LRBA: variants seen among roughly 807,000 people sequenced by gnomAD.
LRBA encodes the protein LPS responsive beige-like anchor protein.
Under a neutral mutation model 330.0 loss-of-function variants are expected in LRBA, and 176 were observed. That is an observed-to-expected ratio of 0.53 (90% CI 0.47 to 0.60). LRBA has a LOEUF of 0.60. Among genes scored for constraint, LRBA ranks in the 20% least tolerant of loss-of-function variants. The pLI, the probability that LRBA is intolerant of heterozygous loss-of-function variation, is 0.00. For missense variants in LRBA, 3,259 were observed against 3,444.8 expected, an observed-to-expected ratio of 0.95 and a Z score of 1.35; for synonymous variants, 1,230 against 1,193.0, an observed-to-expected ratio of 1.03 and a Z score of -0.64.
chr4:150,620,711 A>C (rs1254523080), intron 37 of LRBA, among the ~76,000 whole-genome samples: 2 of 152,226 alleles, frequency 1.3e-5, no homozygotes, highest in African/African-American at 4.8e-5. Context: ...AGGAATGGAA[A>C]ACCAAATACC....
intron 44 of LRBA, among the ~76,000 whole-genome samples, chr4:150,464,064 C>T (rs1026563858): frequency 6.6e-6 from 1 of 150,700 alleles, no homozygotes; most frequent in African/African-American, 2.4e-5. Flanking sequence ...TTCATCAAGA[C>T]TGAATCATGA....
At chr4:150,806,836 C>T (rs560965894) in intron 32 of LRBA, among the ~76,000 whole-genome samples, 2 of 152,018 alleles carry the variant, frequency 1.3e-5, no homozygotes, top group Admixed American at 6.5e-5. Context: ...ACTCAACAGA[C>T]GTTGAGTGCT....
intron 34 of LRBA, among the ~76,000 whole-genome samples, chr4:150,765,825 A>G (rs973501148): frequency 3.3e-5 from 5 of 152,154 alleles, no homozygotes; most frequent in Admixed American, 3.3e-4. Context: ...TTGTCAAATC[A>G]GAAATTGTGC....
At chr4:150,907,781 A>T (rs1731516556) in intron 11 of LRBA, among the ~76,000 whole-genome samples, 2 of 152,156 alleles carry the variant, frequency 1.3e-5, no homozygotes, top group African/African-American at 2.4e-5. Flanking sequence ...CCTATAACTT[A>T]TATCCCTTTC....
At chr4:150,958,271 A>G (rs539148025) in intron 2 of LRBA, among the ~76,000 whole-genome samples, 1 of 148,988 alleles carries the variant, frequency 6.7e-6, no homozygotes, top group Admixed American at 6.6e-5. Context: ...ACTTCTGTGC[A>G]CCCAAAGGCC....
Position 150,806,347 on chromosome 4 carries a change from A to G in LRBA, c.5442T>C (p.Ile1814=), listed in dbSNP as rs777634224. The part of the protein sequence containing the change: ...LEKAAPLLRE[I]FVDFAPFLSR... Reference sequence around the variant, plus strand: ...AAAGAAAAGGTGCAAAATCCACAAAAATCTCACGAAGGAGAGGAGCTGCCT... The same window carrying G: ...AAAGAAAAGGTGCAAAATCCACAAAGATCTCACGAAGGAGAGGAGCTGCCT... The change falls in exon 33 of 57, where the codon ATT becomes ATC. Residue 1814 remains isoleucine (I), a synonymous_variant. Transcript: ENST00000651943. The G allele has an allele frequency of 6.2e-6, 10 of 1,610,758 alleles. No individual in the cohort carries two copies. Among genetic ancestry groups the G allele is most frequent in the Non-Finnish European group, 3.4e-6 (4 of 1,178,466 alleles).
At position 150,623,191 on chromosome 4, in the gene LRBA, G is replaced by A. The variant is rs1776486757; in HGVS notation, c.5922-24060C>T. On this transcript the variant is annotated intron_variant, in intron 37 of 56. Transcript: ENST00000651943. ...CCATTACTGACAAATCTTTCCTGGC[G>A]GTACATTCAAACCTTGCCCCACAAG... Among the ~76,000 whole-genome samples, 5 of 152,222 alleles carry A rather than the reference G, an allele frequency of 3.3e-5. 1 individual carries two copies. The South Asian group carries it at 1.0e-3, about 32-fold the overall frequency.
intron 37 of LRBA, among the ~76,000 whole-genome samples, chr4:150,633,346 T>C (rs1374728202): frequency 6.6e-6 from 1 of 152,242 alleles, no homozygotes; most frequent in African/African-American, 2.4e-5. Flanking sequence ...GTGCTAAATA[T>C]TGTAATAATG....
chr4:150,292,046 G>T (rs1439519593), intron 53 of LRBA, among the ~76,000 whole-genome samples: 1 of 152,126 alleles, frequency 6.6e-6, no homozygotes, highest in Non-Finnish European at 1.5e-5. Context: ...TAAAACATTA[G>T]GTGAAATATT....
chr4:150,825,354 C>G (rs1364971790), intron 30 of LRBA, among the ~76,000 whole-genome samples: 1 of 151,994 alleles, frequency 6.6e-6, no homozygotes, highest in Non-Finnish European at 1.5e-5. Context: ...TCTCAGAGCA[C>G]GCAGTTCATC....
chr4:150,319,435 G>C (rs1732183687), intron 50 of LRBA, among the ~76,000 whole-genome samples: 2 of 152,184 alleles, frequency 1.3e-5, no homozygotes, highest in Middle Eastern at 6.8e-3. Flanking sequence ...TAGTGTATTT[G>C]ATAGAACATA....
At chr4:150,562,918 G>T (rs1465724698) in intron 40 of LRBA, among the ~76,000 whole-genome samples, 1 of 151,856 alleles carries the variant, frequency 6.6e-6, no homozygotes, top group Non-Finnish European at 1.5e-5. Flanking sequence ...TCTTATCTCA[G>T]CCTCTCAAGT....
intron 53 of LRBA, among the ~76,000 whole-genome samples, chr4:150,288,546 G>A (rs960941287): frequency 2.6e-5 from 4 of 152,040 alleles, no homozygotes; most frequent in East Asian, 3.9e-4. Flanking sequence ...CCGAGATCAC[G>A]CCACTGCACT....
intron 40 of LRBA, among the ~76,000 whole-genome samples, chr4:150,507,334 A>G (rs1301457893): frequency 6.6e-6 from 1 of 152,232 alleles, no homozygotes; most frequent in Non-Finnish European, 1.5e-5. Flanking sequence ...ACTATACTAC[A>G]AGGCTACAGT....
intron 16 of LRBA, among the ~76,000 whole-genome samples, chr4:150,893,971 G>A (rs538433012): frequency 6.6e-6 from 1 of 152,186 alleles, no homozygotes; most frequent in Non-Finnish European, 1.5e-5. Context: ...GAGCCACCGC[G>A]CCCGGCCTCG....
At chr4:150,396,477 A>C (rs1744746177) in intron 47 of LRBA, among the ~76,000 whole-genome samples, 1 of 63,122 alleles carries the variant, frequency 1.6e-5, no homozygotes. Flanking sequence ...AATAAATCTC[A>C]TCTCACACAC....
At chr4:150,712,375 C>T (rs1160368156) in intron 36 of LRBA, among the ~76,000 whole-genome samples, 1 of 152,076 alleles carries the variant, frequency 6.6e-6, no homozygotes, top group Non-Finnish European at 1.5e-5. Context: ...TACAAATTCC[C>T]TAAGTTCTAA....
chr4:150,568,942 TTTAC>T (rs1263989168), intron 40 of LRBA, among the ~76,000 whole-genome samples: 5 of 152,156 alleles, frequency 3.3e-5, no homozygotes. Flanking sequence ...ATAACTAACT[TTTAC>T]CAGGCAATCC....
intron 2 of LRBA, among the ~76,000 whole-genome samples, chr4:150,986,980 G>A (rs914405659): frequency 6.6e-6 from 1 of 152,162 alleles, no homozygotes; most frequent in Non-Finnish European, 1.5e-5. Flanking sequence ...TACCCTCTGG[G>A]GCCAGGGAGT....
Sources: gnomAD v4.1 joint callset for allele counts (sites outside exome capture counted in the v4.1 genomes callset) on GRCh38, gnomAD v4.1.1 for gene constraint, MANE v1.5 for transcripts, NCBI Gene and HGNC (gene_info 2026-07-23, HGNC 2026-07-21) for gene names.